The following CSMD3 variants were observed in gnomAD, a reference collection of about 807,000 sequenced individuals.
The protein encoded by CSMD3 is CUB and Sushi multiple domains 3.
In CSMD3, 177 loss-of-function variants were observed where a neutral mutation model predicts 435.2. The observed-to-expected ratio is 0.41, with a 90% CI of 0.36 to 0.46. The LOEUF (loss-of-function observed/expected upper bound fraction) is 0.46. Among genes scored for constraint, CSMD3 ranks in the 20% least tolerant of loss-of-function variants. CSMD3 has a pLI of 0.34. For missense variants in CSMD3, 4,265 were observed against 4,504.6 expected (o/e 0.95, Z 1.52); for synonymous variants, 1,656 against 1,520.5 (o/e 1.09, Z -2.07).
intron 1 of CSMD3, among the ~76,000 whole-genome samples, chr8:113,419,224 T>G (rs191932026): frequency 1.3e-4 from 19 of 151,746 alleles, no homozygotes; most frequent in Non-Finnish European, 2.5e-4. Flanking sequence ...ATTCAATTGA[T>G]TCTCCTGCCT....
chr8:113,012,496 A>T (rs1230353717), intron 6 of CSMD3, among the ~76,000 whole-genome samples: 1 of 151,766 alleles, frequency 6.6e-6, no homozygotes, highest in Non-Finnish European at 1.5e-5. Flanking sequence ...TAAGAGAGGG[A>T]AGTGATTGGA....
intron 9 of CSMD3, among the ~76,000 whole-genome samples, chr8:112,939,244 G>T (rs928386112): frequency 5.9e-5 from 9 of 152,102 alleles, no homozygotes; most frequent in Non-Finnish European, 8.8e-5. Context: ...ACTAATGAAT[G>T]AGATAGAAGT....
chr8:112,498,428 A>T (rs1316172995), intron 30 of CSMD3, among the ~76,000 whole-genome samples: 2 of 152,236 alleles, frequency 1.3e-5, no homozygotes, highest in African/African-American at 2.4e-5. Flanking sequence ...ATAGGGAGGG[A>T]CATATATTCA....
At chr8:113,063,215 T>C (rs1028125622) in intron 5 of CSMD3, among the ~76,000 whole-genome samples, 2 of 151,656 alleles carry the variant, frequency 1.3e-5, no homozygotes, top group African/African-American at 4.8e-5. Flanking sequence ...TTCACAGTGA[T>C]AGAATTGAGA....
intron 24 of CSMD3, among the ~76,000 whole-genome samples, chr8:112,561,726 AT>A (rs1304446371): frequency 6.6e-6 from 1 of 151,594 alleles, no homozygotes; most frequent in African/African-American, 2.4e-5. Flanking sequence ...TCTTGCACAT[AT>A]TTTTTATTAC....
intron 20 of CSMD3, 120 bp from the exon 21 acceptor site, chr8:112,639,031 C>T (rs564060351): frequency 5.8e-6 from 4 of 688,690 alleles, no homozygotes; most frequent in Non-Finnish European, 1.0e-5. Flanking sequence ...AAATGAGAGG[C>T]ATTGCTATAA....
At chr8:113,193,416 A>G (rs929358968) in intron 3 of CSMD3, among the ~76,000 whole-genome samples, 2 of 151,414 alleles carry the variant, frequency 1.3e-5, no homozygotes, top group Non-Finnish European at 3.0e-5. Context: ...CCAATTCATT[A>G]GACTTCCAGG....
intron 5 of CSMD3, among the ~76,000 whole-genome samples, chr8:113,086,261 A>AG (rs1290649453): frequency 6.6e-6 from 1 of 151,568 alleles, no homozygotes; most frequent in African/African-American, 2.4e-5. Context: ...AAAAAAAAAA[A>AG]GAGCCAACCA....
intron 17 of CSMD3, 100 bp downstream of exon 17, chr8:112,666,177 T>C (rs922655168): frequency 2.1e-6 from 2 of 945,462 alleles, no homozygotes; most frequent in African/African-American, 1.6e-5. Flanking sequence ...AATTGACTAT[T>C]ACAATAAAAT....
chr8:112,313,345 TC>T (rs1359006501), intron 49 of CSMD3, among the ~76,000 whole-genome samples: 1 of 152,152 alleles, frequency 6.6e-6, no homozygotes, highest in Non-Finnish European at 1.5e-5. Context: ...ACTCTCTCTT[TC>T]GACATTTAAG....
At chr8:112,937,178 G>T (rs930495414) in intron 9 of CSMD3, among the ~76,000 whole-genome samples, 16 of 151,970 alleles carry the variant, frequency 1.1e-4, no homozygotes, top group African/African-American at 3.4e-4. Context: ...AGCTGGAGGA[G>T]ATTTCAAAAA....
In CSMD3 at chr8:113,092,694, C is replaced by G. The variant is rs529772470; in HGVS notation, c.917+6062G>C. On this transcript the variant is annotated intron_variant, in intron 5 of 70. Coordinates refer to ENST00000297405, the MANE Select transcript of CSMD3 (RefSeq NM_198123.2). ...TTTGAAGTGTAACTTAATGGCTCAA[C>G]TTGAACAAGATATGATCTTGGGAAT... is the stretch of plus-strand genomic sequence containing the variant. Among the ~76,000 whole-genome samples the G allele has an allele frequency of 2.0e-5, 3 of 152,138 alleles. No individual in the cohort carries two copies. In the South Asian group the frequency reaches 6.2e-4, roughly 32 times the overall value.
intron 22 of CSMD3, among the ~76,000 whole-genome samples, chr8:112,608,137 T>C (rs1832942668): frequency 6.6e-6 from 1 of 152,068 alleles, no homozygotes; most frequent in African/African-American, 2.4e-5. Flanking sequence ...ATATAAAAAT[T>C]AGTTGTGTTT....
At chr8:113,391,416 A>G (rs1303699861) in intron 1 of CSMD3, among the ~76,000 whole-genome samples, 5 of 152,030 alleles carry the variant, frequency 3.3e-5, no homozygotes, top group Admixed American at 6.6e-5. Context: ...TAGTTTGTAT[A>G]TGAGATTTTG....
chr8:112,835,538 T>G (rs2079999146), intron 11 of CSMD3, among the ~76,000 whole-genome samples: 1 of 151,896 alleles, frequency 6.6e-6, no homozygotes, highest in African/African-American at 2.4e-5. Context: ...TGGTAGGAAG[T>G]ACAGCATACC....
chr8:112,355,649 C>T (rs549705465), intron 38 of CSMD3, among the ~76,000 whole-genome samples: 118 of 151,956 alleles, frequency 7.8e-4, no homozygotes, highest in Non-Finnish European at 1.1e-3. Context: ...CTGGCTAACA[C>T]GGTGAAACCC....
chr8:112,909,492 C>T (rs2082349282), intron 10 of CSMD3, among the ~76,000 whole-genome samples: 1 of 151,152 alleles, frequency 6.6e-6, no homozygotes, highest in African/African-American at 2.4e-5. Context: ...TAATAACATA[C>T]AAAAGGAAAG....
At chr8:112,470,572 T>C (rs1818419551) in intron 32 of CSMD3, among the ~76,000 whole-genome samples, 1 of 152,128 alleles carries the variant, frequency 6.6e-6, no homozygotes, top group Admixed American at 6.6e-5. Context: ...ACTTGAAAGC[T>C]GGCATTCGTT....
At chr8:112,802,472 A>G (rs946418792) in intron 12 of CSMD3, among the ~76,000 whole-genome samples, 1 of 152,072 alleles carries the variant, frequency 6.6e-6, no homozygotes, top group Admixed American at 6.6e-5. Context: ...GGCAATTAAC[A>G]TGTATGCAAT....
Sources: allele counts gnomAD v4.1 joint callset (sites outside exome capture counted in the v4.1 genomes callset), GRCh38; gene constraint gnomAD v4.1.1; transcripts MANE v1.5; gene names NCBI Gene and HGNC (gene_info 2026-07-23, HGNC 2026-07-21).